The following PRPSAP2 variants were observed in gnomAD, a reference collection of about 807,000 sequenced individuals.
PRPSAP2 encodes the protein phosphoribosyl pyrophosphate synthetase associated protein 2.
PRPSAP2 carries 24 observed loss-of-function variants against 40.6 expected under a neutral mutation model. The observed-to-expected ratio is 0.59, with a 90% confidence interval of 0.43 to 0.83. PRPSAP2 has a LOEUF of 0.83. Among genes scored for constraint, PRPSAP2 ranks in the 40% least tolerant of loss-of-function variants. PRPSAP2 has a pLI of 0.00. For synonymous variants in PRPSAP2, 149 were observed against 164.7 expected (o/e 0.90, Z 0.73); for missense variants, 292 against 465.6 (o/e 0.63, Z 3.43).
At chr17:18,923,256 ATTTTTTTTT>A (rs34975526) in intron 9 of PRPSAP2, among the ~76,000 whole-genome samples, 18 of 105,398 alleles carry the variant, frequency 1.7e-4, no homozygotes, top group Middle Eastern at 0.014. Flanking sequence ...CACTTGGCTA[ATTTTTTTTT>A]TTTTTTTTTT....
At chr17:18,918,162 G>A (rs2041474780) in intron 9 of PRPSAP2, among the ~76,000 whole-genome samples, 1 of 152,184 alleles carries the variant, frequency 6.6e-6, no homozygotes, top group Non-Finnish European at 1.5e-5. Flanking sequence ...TCCCAACTGA[G>A]GTGGAAAGGG....
At position 18,930,817 on chromosome 17, in the gene PRPSAP2, C is replaced by T; in HGVS notation, c.*119C>T. The T allele has an allele frequency of 2.2e-6, 2 of 920,070 alleles. No individual in the cohort carries two copies. The highest frequency in any genetic ancestry group is 6.6e-5 in the Admixed American group (2 of 30,358). The allele number at this position is 920,070 out of a possible 1,614,324, so 57.0% of individuals were successfully genotyped here. On this transcript the variant is annotated 3_prime_UTR_variant, in exon 12 of 12. Transcript: ENST00000268835. ...CTCCCTCTCCCCTGTAACCTCACTT[C>T]TTATTGATTCCTAAGAAGATAGACC...
chr17:18,867,262 T>TC lies in PRPSAP2; in HGVS notation c.120-15dup. 6.2e-7 allele frequency: 1 copy of TC among 1,613,246 alleles called. No individual in the cohort carries two copies. Among genetic ancestry groups the TC allele is most frequent in the South Asian group, 1.1e-5 (1 of 90,970 alleles). On this transcript the variant is annotated intron_variant, in intron 3 of 11. Transcript: ENST00000268835. The stretch of plus-strand genomic sequence containing the variant: ...TTCTTCTATTACTTTTTCAGCTTTT[T>TC]CCCCCTTTCTCTTCTCTAGGCGGCT...
intron 4 of PRPSAP2, among the ~76,000 whole-genome samples, chr17:18,871,669 T>C (rs199689459): frequency 0.54 from 79,730 of 148,690 alleles, 21,818 homozygotes; most frequent in Middle Eastern, 0.61. Flanking sequence ...TTTTTTTTTT[T>C]TTTTTTTTGA....
chr17:18,863,172 C>T (rs761735611), intron 1 of PRPSAP2, among the ~76,000 whole-genome samples: 9 of 151,962 alleles, frequency 5.9e-5, no homozygotes, highest in African/African-American at 1.9e-4. Context: ...GCATTCCCAT[C>T]GTCCAGGCAG....
chr17:18,898,318 C>T (rs1305880267), intron 8 of PRPSAP2, among the ~76,000 whole-genome samples: 1 of 152,070 alleles, frequency 6.6e-6, no homozygotes. Context: ...TTTTAAACAT[C>T]AAACATAATT....
chr17:18,890,669 C>A (rs902488576), intron 8 of PRPSAP2, among the ~76,000 whole-genome samples: 1 of 152,184 alleles, frequency 6.6e-6, no homozygotes, highest in Non-Finnish European at 1.5e-5. Flanking sequence ...CTAGTGTTTT[C>A]CCCAGACCCA....
At chr17:18,887,423 C>T (rs1025766119) in intron 7 of PRPSAP2, among the ~76,000 whole-genome samples, 9 of 151,366 alleles carry the variant, frequency 5.9e-5, no homozygotes, top group Admixed American at 2.0e-4. Flanking sequence ...TTTTTAGCAG[C>T]GAGGGGGTTT....
intron 3 of PRPSAP2, among the ~76,000 whole-genome samples, chr17:18,867,031 CAG>C (rs1243488785): frequency 6.6e-6 from 1 of 151,918 alleles, no homozygotes; most frequent in Admixed American, 6.6e-5. Context: ...GGCTGGAGTA[CAG>C]AGTGTCCAAG....
At chr17:18,866,070 T>A in intron 3 of PRPSAP2, 118 bp downstream of exon 3, 1 of 703,292 alleles carries the variant, frequency 1.4e-6, no homozygotes, top group Non-Finnish European at 1.9e-6. Context: ...ATAAAATAAT[T>A]ATATCTTTTT....
chr17:18,869,865 T>TGTGTGTGTGTGA lies in PRPSAP2; in HGVS notation c.172+2532_172+2533insTGTGTGTGTGAG, dbSNP rs745428673. ...TTTTGTGTGTGTGTGTGTGTGTGTG[T>TGTGTGTGTGTGA]GAGACAGAGTCTTGCTCCATTGCCC... On this transcript the variant is annotated intron_variant, in intron 4 of 11. Coordinates refer to ENST00000268835, the MANE Select transcript of PRPSAP2 (RefSeq NM_002767.4). 2.8e-3 allele frequency among the ~76,000 whole-genome samples: 416 copies of TGTGTGTGTGTGA among 147,866 alleles called. 2 individuals are homozygous for TGTGTGTGTGTGA. Among genetic ancestry groups the TGTGTGTGTGTGA allele is most frequent in the Non-Finnish European group, 3.9e-3 (264 of 67,096 alleles).
intron 7 of PRPSAP2, 65 bp downstream of exon 7, chr17:18,882,748 C>G: frequency 9.7e-7 from 1 of 1,029,962 alleles, no homozygotes; most frequent in Non-Finnish European, 1.5e-6. Context: ...ATTTCCATTT[C>G]CTTAGGATAC....
intron 6 of PRPSAP2, among the ~76,000 whole-genome samples, chr17:18,879,090 G>A (rs888827812): frequency 3.9e-5 from 6 of 151,992 alleles, no homozygotes; most frequent in South Asian, 2.1e-4. Flanking sequence ...GGCTGGTCTC[G>A]AACTCCTGAC....
intron 7 of PRPSAP2, among the ~76,000 whole-genome samples, chr17:18,883,405 T>TTC (rs1471719563): frequency 1.6e-4 from 24 of 147,556 alleles, no homozygotes; most frequent in Non-Finnish European, 2.6e-4. Flanking sequence ...TTTTCTTTCT[T>TTC]TTTTTTTTTT....
intron 9 of PRPSAP2, among the ~76,000 whole-genome samples, chr17:18,922,668 A>ATTTTTTTTTT (rs57263191): frequency 1.1e-5 from 1 of 89,840 alleles, no homozygotes; most frequent in African/African-American, 4.5e-5. Context: ...TATATATATA[A>ATTTTTTTTTT]TTTTTTTTTT....
At chr17:18,877,405 G>T (rs1414876185) in intron 5 of PRPSAP2, among the ~76,000 whole-genome samples, 1 of 152,110 alleles carries the variant, frequency 6.6e-6, no homozygotes, top group Admixed American at 6.6e-5. Flanking sequence ...CCACTGGCAT[G>T]GAAATTTCCT....
At chr17:18,883,691 G>A (rs4334348) in intron 7 of PRPSAP2, among the ~76,000 whole-genome samples, 8 of 151,594 alleles carry the variant, frequency 5.3e-5, no homozygotes, top group African/African-American at 1.5e-4. Flanking sequence ...TGGCCTTAGC[G>A]GTTTTTCTTA....
At chr17:18,865,186 C>T (rs1323093715) in intron 1 of PRPSAP2, among the ~76,000 whole-genome samples, 1 of 151,964 alleles carries the variant, frequency 6.6e-6, no homozygotes, top group Non-Finnish European at 1.5e-5. Flanking sequence ...TTATTTTTGG[C>T]CCACTGCCAA....
chr17:18,901,062 C>T (rs1010508512), intron 8 of PRPSAP2, among the ~76,000 whole-genome samples: 1 of 152,194 alleles, frequency 6.6e-6, no homozygotes, highest in African/African-American at 2.4e-5. Flanking sequence ...CAGGCTCACC[C>T]CTCAACCTTT....
Sources: allele counts gnomAD v4.1 joint callset (sites outside exome capture counted in the v4.1 genomes callset), GRCh38; gene constraint gnomAD v4.1.1; transcripts MANE v1.5; gene names NCBI Gene and HGNC (gene_info 2026-07-23, HGNC 2026-07-21).